The following UBE2E3 variants were observed in gnomAD, a reference collection of about 807,000 sequenced individuals.
UBE2E3 encodes ubiquitin conjugating enzyme E2 E3.
Under a neutral mutation model 23.6 loss-of-function variants are expected in UBE2E3, and 5 were observed. The observed-to-expected ratio is 0.21, with a 90% CI of 0.11 to 0.44. The LOEUF (loss-of-function observed/expected upper bound fraction) is 0.44, where lower values mean the gene tolerates loss of function less well. Among genes scored for constraint, UBE2E3 ranks in the 20% least tolerant of loss-of-function variants. The probability of loss-of-function intolerance (pLI) is 0.99; values close to 1 mark genes in which losing one functional copy is unlikely to be tolerated. For missense variants in UBE2E3, 81 were observed against 249.8 expected, an observed-to-expected ratio of 0.32 and a Z score of 4.55; for synonymous variants, 78 against 87.5, an observed-to-expected ratio of 0.89 and a Z score of 0.60.
At chr2:181,042,416 G>C (rs1337008304) in intron 3 of UBE2E3, among the ~76,000 whole-genome samples, 1 of 152,182 alleles carries the variant, frequency 6.6e-6, no homozygotes, top group Non-Finnish European at 1.5e-5. Flanking sequence ...CTGTACTAGA[G>C]TTCAAAAAGA....
intron 3 of UBE2E3, among the ~76,000 whole-genome samples, chr2:181,024,565 A>G (rs1173645951): frequency 7.2e-5 from 11 of 152,218 alleles, no homozygotes; most frequent in African/African-American, 2.6e-4. Flanking sequence ...CTTTTAATAT[A>G]TGTGATTATT....
At chr2:181,011,619 A>G (rs1559120613) in intron 3 of UBE2E3, among the ~76,000 whole-genome samples, 2 of 152,212 alleles carry the variant, frequency 1.3e-5, no homozygotes, top group African/African-American at 4.8e-5. Flanking sequence ...ACGATGGTAT[A>G]GAAGTGCCAT....
chr2:181,058,566 T>TA (rs1687048106), intron 4 of UBE2E3, among the ~76,000 whole-genome samples: 1 of 151,744 alleles, frequency 6.6e-6, no homozygotes. Flanking sequence ...ATGCTGTTGT[T>TA]ACAGAGATGT....
At chr2:181,059,640 T>G (rs1294095641) in intron 4 of UBE2E3, among the ~76,000 whole-genome samples, 3 of 151,740 alleles carry the variant, frequency 2.0e-5, no homozygotes, top group Non-Finnish European at 2.9e-5. Flanking sequence ...CTGGTATTTA[T>G]TTTACACTTC....
At chr2:180,990,116 CT>C (rs1243696132) in intron 3 of UBE2E3, 1 of 928,704 alleles carries the variant, frequency 1.1e-6, no homozygotes, top group East Asian at 2.7e-5. Flanking sequence ...TTTAACCTTT[CT>C]TTTGCCTTTT....
chr2:180,985,309 T>A (rs1437732399), intron 3 of UBE2E3, among the ~76,000 whole-genome samples: 1 of 152,184 alleles, frequency 6.6e-6, no homozygotes, highest in Non-Finnish European at 1.5e-5. Flanking sequence ...CACATGTGGC[T>A]ATTGGCCTCT....
chr2:181,046,280 C>T (rs551267140), intron 3 of UBE2E3, among the ~76,000 whole-genome samples: 2 of 152,192 alleles, frequency 1.3e-5, no homozygotes, highest in African/African-American at 4.8e-5. Context: ...TCAGGGATTC[C>T]GTGTAGGCAT....
chr2:181,008,412 G>A (rs1024707890), intron 3 of UBE2E3, among the ~76,000 whole-genome samples: 1 of 152,200 alleles, frequency 6.6e-6, no homozygotes, highest in Non-Finnish European at 1.5e-5. Context: ...TTTGAAATCA[G>A]GCAGTCTGGC....
intron 3 of UBE2E3, among the ~76,000 whole-genome samples, chr2:181,022,822 A>T (rs1201980465): frequency 6.6e-6 from 1 of 152,126 alleles, no homozygotes; most frequent in African/African-American, 2.4e-5. Context: ...GCTGGGACTC[A>T]AATTTTTCTC....
At chr2:181,031,608 T>A (rs2105647507) in intron 3 of UBE2E3, among the ~76,000 whole-genome samples, 1 of 152,326 alleles carries the variant, frequency 6.6e-6, no homozygotes, top group Non-Finnish European at 1.5e-5. Flanking sequence ...GACTACTTTC[T>A]GTTTTTCTCT....
chr2:181,009,067 T>C (rs2105604647), intron 3 of UBE2E3, among the ~76,000 whole-genome samples: 1 of 152,304 alleles, frequency 6.6e-6, no homozygotes, highest in East Asian at 1.9e-4. Context: ...ACCATTTGTA[T>C]AAAATCGTTA....
At chr2:181,016,726 GA>G (rs1208724696) in intron 3 of UBE2E3, among the ~76,000 whole-genome samples, 2 of 152,102 alleles carry the variant, frequency 1.3e-5, no homozygotes, top group African/African-American at 4.8e-5. Context: ...TGATTTACTA[GA>G]AATTTTTCTT....
chr2:181,055,241 A>G (rs555921165), intron 3 of UBE2E3, among the ~76,000 whole-genome samples: 24 of 151,902 alleles, frequency 1.6e-4, no homozygotes, highest in East Asian at 7.8e-4. Context: ...AGAGAGAAAT[A>G]GAGATTTTAA....
In UBE2E3 at chr2:181,063,023, T is replaced by C. The variant is rs1177494960; in HGVS notation, c.*135T>C. 4 of 446,176 alleles carry C rather than the reference T, an allele frequency of 9.0e-6. No homozygotes were observed. Among genetic ancestry groups the C allele is most frequent in the Non-Finnish European group, 1.6e-5 (4 of 250,570 alleles). The allele number at this position is 446,176 out of a possible 1,614,324, so 27.6% of individuals were successfully genotyped here. A position where few individuals can be genotyped will look rare whatever the true frequency, so the allele number is the denominator to read the frequency against. On this transcript the variant is annotated 3_prime_UTR_variant, in exon 6 of 6. Transcript: ENST00000410062. The surrounding 1 kb of genome is among the most constrained non-coding windows in gnomAD (Gnocchi z 4.1). ...TACTCTGCTTTTATCCTTTGGAGCC[T>C]GGGAGACTCCCCAAAAAGGTAAATG...
At chr2:181,029,735 T>TTTCCAAGC (rs1686015344) in intron 3 of UBE2E3, among the ~76,000 whole-genome samples, 1 of 151,074 alleles carries the variant, frequency 6.6e-6, no homozygotes, top group Non-Finnish European at 1.5e-5. Flanking sequence ...TGAGCTTCTT[T>TTTCCAAGC]TCTTGTTCCA....
chr2:181,010,514 T>C (rs189875629), intron 3 of UBE2E3, among the ~76,000 whole-genome samples: 13 of 152,308 alleles, frequency 8.5e-5, no homozygotes, highest in Middle Eastern at 3.4e-3. Context: ...AAGGGATATT[T>C]GCATATTTAT....
intron 3 of UBE2E3, among the ~76,000 whole-genome samples, chr2:181,022,526 C>T (rs895853981): frequency 1.3e-5 from 2 of 151,808 alleles, no homozygotes; most frequent in Non-Finnish European, 2.9e-5. Context: ...TAACATTTAA[C>T]TCGTGGCCAA....
At chr2:181,044,432 A>G (rs1686609788) in intron 3 of UBE2E3, among the ~76,000 whole-genome samples, 1 of 152,168 alleles carries the variant, frequency 6.6e-6, no homozygotes, top group African/African-American at 2.4e-5. Context: ...CTTCAGGGCA[A>G]ACCCAGATCA....
At chr2:181,049,317 A>G (rs1574219769) in intron 3 of UBE2E3, among the ~76,000 whole-genome samples, 2 of 152,086 alleles carry the variant, frequency 1.3e-5, no homozygotes, top group African/African-American at 4.8e-5. Flanking sequence ...CACCACACCC[A>G]CAGTTTATCC....
Sources: allele counts gnomAD v4.1 joint callset (sites outside exome capture counted in the v4.1 genomes callset), GRCh38; gene constraint gnomAD v4.1.1; non-coding constraint Gnocchi (gnomAD v3.1); transcripts MANE v1.5; gene names NCBI Gene and HGNC (gene_info 2026-07-23, HGNC 2026-07-21).